ABCG5: variants seen among roughly 807,000 people sequenced by gnomAD.
ABCG5 encodes ATP-binding cassette sub-family G member 5.
In ABCG5, 64 loss-of-function variants were observed where a neutral mutation model predicts 64.5. The observed-to-expected ratio is 0.99, with a 90% CI of 0.81 to 1.22. The LOEUF (loss-of-function observed/expected upper bound fraction) is 1.22. Ranked by LOEUF, ABCG5 falls within the 50% of genes most tolerant of loss-of-function variation. The pLI is 0.00. For missense variants in ABCG5, 908 were observed against 829.5 expected (o/e 1.09, Z -1.16); for synonymous variants, 385 against 326.3 (o/e 1.18, Z -1.94).
At chr2:43,816,236 T>C (rs1404207716) in intron 11 of ABCG5, among the ~76,000 whole-genome samples, 6 of 152,248 alleles carry the variant, frequency 3.9e-5, no homozygotes, top group African/African-American at 1.2e-4. Context: ...CAAGGCCTAA[T>C]TGGGCTGGCT....
At chr2:43,817,791 T>A (rs143770198) in intron 11 of ABCG5, among the ~76,000 whole-genome samples, 7,304 of 151,668 alleles carry the variant, frequency 0.048, 361 homozygotes, top group African/African-American at 0.12. Context: ...GCACCTGTAA[T>A]CCCAGCTACT....
At chr2:43,808,132 C>A (rs1267652644), downstream of ABCG5, among the ~76,000 whole-genome samples, 1 of 151,988 alleles carries the variant, frequency 6.6e-6, no homozygotes, top group Non-Finnish European at 1.5e-5. Context: ...ATGAGTTAAT[C>A]TTTAAAACCG....
intron 11 of ABCG5, among the ~76,000 whole-genome samples, chr2:43,815,788 T>G (rs2104758200): frequency 6.6e-6 from 1 of 152,124 alleles, no homozygotes; most frequent in East Asian, 1.9e-4. Context: ...AGGGCCTTGC[T>G]GTGAGTTGAG....
At chr2:43,814,174 G>A (rs1163027581) in intron 12 of ABCG5, among the ~76,000 whole-genome samples, 1 of 152,132 alleles carries the variant, frequency 6.6e-6, no homozygotes, top group East Asian at 1.9e-4. Context: ...AATGTGTTCA[G>A]TAGATACAGG....
At chr2:43,810,618 T>A, downstream of ABCG5, 1 of 669,032 alleles carries the variant, frequency 1.5e-6, no homozygotes, top group Non-Finnish European at 1.8e-6. Context: ...GATAAGCACA[T>A]TTACTACCCC....
the ABCG5 span, among the ~76,000 whole-genome samples, chr2:43,806,541 C>T: frequency 2.6e-5 from 4 of 152,102 alleles, no homozygotes; most frequent in Non-Finnish European, 5.9e-5. Flanking sequence ...GGAAAATGAC[C>T]TTATGTAACC....
intron 5 of ABCG5, 30 bp from the exon 6 acceptor site, chr2:43,826,551 G>C (rs1667616393): frequency 6.2e-7 from 1 of 1,614,022 alleles, no homozygotes; most frequent in Non-Finnish European, 8.5e-7. Flanking sequence ...AGACTTCTAA[G>C]GTAGTGCAGA....
chr2:43,815,751 G>A (rs187153952), intron 11 of ABCG5, among the ~76,000 whole-genome samples: 116 of 152,208 alleles, frequency 7.6e-4, no homozygotes, highest in Non-Finnish European at 1.4e-3. Context: ...AGGGGAGCTC[G>A]GAACAATAGC....
chr2:43,833,684 C>CTTTA (rs1266273791), intron 2 of ABCG5, among the ~76,000 whole-genome samples: 1 of 148,198 alleles, frequency 6.7e-6, no homozygotes, highest in Non-Finnish European at 1.5e-5. Context: ...GGGCCCAGCC[C>CTTTA]TTTATTTATT....
chr2:43,814,967 T>C (rs373305408), intron 11 of ABCG5, among the ~76,000 whole-genome samples: 4 of 152,220 alleles, frequency 2.6e-5, no homozygotes, highest in African/African-American at 9.6e-5. Context: ...TGGCCTGTTA[T>C]AGTGAAGACC....
At chr2:43,835,086 G>C (rs1050519498) in intron 2 of ABCG5, among the ~76,000 whole-genome samples, 2 of 152,206 alleles carry the variant, frequency 1.3e-5, no homozygotes, top group Non-Finnish European at 2.9e-5. Flanking sequence ...CCCTGCCCTT[G>C]TAGAACTTGC....
chr2:43,830,517 T>G (rs1430013964), intron 4 of ABCG5, among the ~76,000 whole-genome samples: 1 of 152,262 alleles, frequency 6.6e-6, no homozygotes, highest in Admixed American at 6.5e-5. Flanking sequence ...CACATTGGCC[T>G]TGCTTTATTT....
chr2:43,831,098 A>C (rs747556285), intron 4 of ABCG5, among the ~76,000 whole-genome samples: 5 of 152,216 alleles, frequency 3.3e-5, no homozygotes, highest in Non-Finnish European at 7.3e-5. Context: ...AAACAGGTGA[A>C]ATTAATTTTA....
At chr2:43,834,347 G>T (rs1026527469) in intron 2 of ABCG5, among the ~76,000 whole-genome samples, 2 of 152,180 alleles carry the variant, frequency 1.3e-5, no homozygotes, top group African/African-American at 4.8e-5. Context: ...CCTCCCCAGG[G>T]ATATTAAAGC....
intron 11 of ABCG5, among the ~76,000 whole-genome samples, chr2:43,816,555 T>C (rs1264787791): frequency 6.6e-6 from 1 of 152,172 alleles, no homozygotes; most frequent in Non-Finnish European, 1.5e-5. Context: ...TTGTCTTTTT[T>C]ATTTTTTGAA....
At chr2:43,825,114 A>G (rs975624159) in intron 6 of ABCG5, 96 bp from the exon 7 acceptor site, 1 of 1,471,502 alleles carries the variant, frequency 6.8e-7, no homozygotes, top group Non-Finnish European at 9.3e-7. Flanking sequence ...AAGGTCAGGT[A>G]TTCCTTATGG....
downstream of ABCG5, among the ~76,000 whole-genome samples, chr2:43,808,008 G>A (rs1358704197): frequency 1.3e-5 from 2 of 151,942 alleles, no homozygotes; most frequent in East Asian, 3.8e-4. Flanking sequence ...TCTGCAAAAG[G>A]GAGATACTAC....
chr2:43,813,407 A>T, intron 12 of ABCG5, 98 bp from the exon 13 acceptor site: 1 of 835,564 alleles, frequency 1.2e-6, no homozygotes, highest in South Asian at 1.4e-5. Context: ...CTTAATGAAA[A>T]ATACAGGACA....
Position 43,824,133 on chromosome 2 carries a change from C to T in ABCG5, c.1119-15G>A. 1.2e-6 allele frequency: 2 copies of T among 1,614,184 alleles called. No homozygotes were observed. Among genetic ancestry groups the T allele is most frequent in the Non-Finnish European group, 8.5e-7 (1 of 1,180,002 alleles). On this transcript the variant is annotated splice_polypyrimidine_tract_variant and intron_variant, in intron 8 of 12. Coordinates refer to ENST00000405322, the MANE Select transcript of ABCG5 (RefSeq NM_022436.3). ...TTGTCACTCTCCTGAAAACAAACAACCCTGTTTTAATTCCTTTTCAGAATT... is the reference window on the plus strand; with the variant it reads ...TTGTCACTCTCCTGAAAACAAACAATCCTGTTTTAATTCCTTTTCAGAATT...
Sources: gnomAD v4.1 joint callset for allele counts (sites outside exome capture counted in the v4.1 genomes callset) on GRCh38, gnomAD v4.1.1 for gene constraint, MANE v1.5 for transcripts, NCBI Gene and HGNC (gene_info 2026-07-23, HGNC 2026-07-21) for gene names.